The following CAMKMT variants were observed in gnomAD, a reference collection of about 807,000 sequenced individuals.
CAMKMT encodes calmodulin-lysine N-methyltransferase.
A neutral mutation model predicts 48.0 loss-of-function variants in CAMKMT; 53 were observed. The observed-to-expected ratio is 1.10, with a 90% confidence interval of 0.89 to 1.39. The LOEUF (loss-of-function observed/expected upper bound fraction) is 1.39. Among genes scored for constraint, CAMKMT ranks in the 40% most tolerant of loss-of-function variants. The probability of loss-of-function intolerance (pLI) is 0.00; values close to 1 mark genes in which losing one functional copy is unlikely to be tolerated. For synonymous variants in CAMKMT, 165 were observed against 152.3 expected (o/e 1.08, Z -0.61); for missense variants, 428 against 402.7 (o/e 1.06, Z -0.54).
intron 3 of CAMKMT, among the ~76,000 whole-genome samples, chr2:44,581,923 A>T (rs1388798662): frequency 6.6e-6 from 1 of 152,194 alleles, no homozygotes; most frequent in Non-Finnish European, 1.5e-5. Context: ...CGCTTGAACC[A>T]TGGAGGCAGA....
intron 3 of CAMKMT, among the ~76,000 whole-genome samples, chr2:44,556,466 T>C (rs1255957364): frequency 1.1e-4 from 2 of 18,458 alleles, no homozygotes; most frequent in East Asian, 4.3e-4. Flanking sequence ...TTTTTTTTTT[T>C]TTTTTTTTTT....
intron 3 of CAMKMT, among the ~76,000 whole-genome samples, chr2:44,682,947 A>G (rs1676107114): frequency 6.6e-6 from 1 of 152,232 alleles, no homozygotes; most frequent in African/African-American, 2.4e-5. Context: ...ACATCTGAAT[A>G]AGTAAGACTA....
intron 3 of CAMKMT, among the ~76,000 whole-genome samples, chr2:44,614,521 G>A (rs1671766573): frequency 6.6e-6 from 1 of 152,156 alleles, no homozygotes; most frequent in South Asian, 2.1e-4. Flanking sequence ...CCTTCATGAA[G>A]GCTATACTCT....
In CAMKMT at chr2:44,657,949, A is replaced by G. The variant is rs1302383652; in HGVS notation, c.377-46334A>G. On this transcript the variant is annotated intron_variant, in intron 3 of 10. Coordinates refer to ENST00000378494, the MANE Select transcript of CAMKMT (RefSeq NM_024766.5). This position sits in a 1 kb window ranked among gnomAD's most constrained non-coding sequence, Gnocchi z 4.3. Reference sequence around the variant, plus strand: ...CCATACTCTGTTTTTATATAAAATAATGGTATCTCTCTCCTCAAATTATTT... The same window carrying G: ...CCATACTCTGTTTTTATATAAAATAGTGGTATCTCTCTCCTCAAATTATTT... 6.6e-6 allele frequency among the ~76,000 whole-genome samples: 1 copy of G among 152,222 alleles called. No individual in the cohort carries two copies. Among genetic ancestry groups the G allele is most frequent in the African/African-American group, 2.4e-5 (1 of 41,452 alleles).
At chr2:44,406,482 C>G (rs958563011) in intron 3 of CAMKMT, among the ~76,000 whole-genome samples, 6 of 90,454 alleles carry the variant, frequency 6.6e-5, no homozygotes, top group Non-Finnish European at 1.1e-4. Context: ...TAATACCACC[C>G]CAGTGTCTTT....
intron 3 of CAMKMT, among the ~76,000 whole-genome samples, chr2:44,690,460 A>C (rs963603743): frequency 3.3e-5 from 5 of 152,204 alleles, no homozygotes; most frequent in Admixed American, 2.6e-4. Context: ...TGCAGTGATG[A>C]GAGACTGGGC....
chr2:44,527,563 T>A (rs963992941), intron 3 of CAMKMT, among the ~76,000 whole-genome samples: 1 of 150,986 alleles, frequency 6.6e-6, no homozygotes, highest in Non-Finnish European at 1.5e-5. Context: ...TAATGTCAAA[T>A]CTTTAATATC....
chr2:44,450,060 A>G (rs1667211060), intron 3 of CAMKMT, among the ~76,000 whole-genome samples: 1 of 152,164 alleles, frequency 6.6e-6, no homozygotes, highest in South Asian at 2.1e-4. Flanking sequence ...GTGAAGAGAA[A>G]GCCATCACAC....
chr2:44,637,830 G>T (rs1332909789), intron 3 of CAMKMT, among the ~76,000 whole-genome samples: 1 of 152,040 alleles, frequency 6.6e-6, no homozygotes, highest in East Asian at 1.9e-4. Context: ...ACTTTGGGAG[G>T]TTGAGGCGGG....
At chr2:44,411,321 G>C (rs1030979475) in intron 3 of CAMKMT, among the ~76,000 whole-genome samples, 1 of 152,124 alleles carries the variant, frequency 6.6e-6, no homozygotes, top group African/African-American at 2.4e-5. Flanking sequence ...AAGCACTGGG[G>C]ATACAAAGGT....
At chr2:44,441,745 C>G (rs866842473) in intron 3 of CAMKMT, among the ~76,000 whole-genome samples, 4 of 152,230 alleles carry the variant, frequency 2.6e-5, no homozygotes, top group Middle Eastern at 6.8e-3. Context: ...ACTAGTTGTA[C>G]TGTAGAAGGT....
At chr2:44,604,127 G>A (rs564007870) in intron 3 of CAMKMT, among the ~76,000 whole-genome samples, 1 of 152,280 alleles carries the variant, frequency 6.6e-6, no homozygotes, top group Admixed American at 6.5e-5. Flanking sequence ...TAGATGAGGG[G>A]TTTTGTTAAA....
intron 3 of CAMKMT, among the ~76,000 whole-genome samples, chr2:44,481,763 C>G (rs947491245): frequency 6.6e-6 from 1 of 151,954 alleles, no homozygotes; most frequent in South Asian, 2.1e-4. Flanking sequence ...GAATCAGATA[C>G]TATCAAAGCT....
At chr2:44,656,394 C>G (rs891305275) in intron 3 of CAMKMT, among the ~76,000 whole-genome samples, 1 of 151,534 alleles carries the variant, frequency 6.6e-6, no homozygotes, top group Non-Finnish European at 1.5e-5. Flanking sequence ...AATGCTGCTT[C>G]TGAAAGTATG....
At chr2:44,749,944 G>A (rs186929681) in intron 8 of CAMKMT, among the ~76,000 whole-genome samples, 41 of 152,298 alleles carry the variant, frequency 2.7e-4, no homozygotes, top group Admixed American at 9.8e-4. Context: ...TTAGAAATGG[G>A]AGTAGGGGGC....
intron 3 of CAMKMT, among the ~76,000 whole-genome samples, chr2:44,459,210 A>T (rs1208552404): frequency 6.6e-6 from 1 of 152,196 alleles, no homozygotes; most frequent in Non-Finnish European, 1.5e-5. Flanking sequence ...CAGCTTTAGA[A>T]TTTCAATAGT....
At chr2:44,546,971 A>G (rs962905681) in intron 3 of CAMKMT, among the ~76,000 whole-genome samples, 3 of 152,190 alleles carry the variant, frequency 2.0e-5, no homozygotes, top group Non-Finnish European at 4.4e-5. Flanking sequence ...ACTTCACAAC[A>G]TAGACCACAA....
intron 1 of CAMKMT, among the ~76,000 whole-genome samples, chr2:44,363,671 T>G (rs1678252019): frequency 6.7e-6 from 1 of 148,874 alleles, no homozygotes; most frequent in Admixed American, 6.7e-5. Context: ...TGAGCCACCG[T>G]GCCCGGCAAC....
intron 3 of CAMKMT, among the ~76,000 whole-genome samples, chr2:44,583,636 A>G (rs1184011634): frequency 2.0e-5 from 3 of 152,016 alleles, no homozygotes; most frequent in Non-Finnish European, 1.5e-5. Context: ...GTCTCTACAA[A>G]AAATAAAAAA....
Sources: gnomAD v4.1 joint callset for allele counts (sites outside exome capture counted in the v4.1 genomes callset) on GRCh38, gnomAD v4.1.1 for gene constraint, Gnocchi (gnomAD v3.1) non-coding constraint, MANE v1.5 for transcripts, NCBI Gene and HGNC (gene_info 2026-07-23, HGNC 2026-07-21) for gene names.